Variants in ARHGAP21 observed in about 807,000 individuals in gnomAD.
The protein encoded by ARHGAP21 is rho GTPase-activating protein 21.
A neutral mutation model predicts 164.6 loss-of-function variants in ARHGAP21; 38 were observed. That is an observed-to-expected ratio of 0.23 (90% CI 0.18 to 0.30). The LOEUF (loss-of-function observed/expected upper bound fraction) is 0.30, where lower values mean the gene tolerates loss of function less well. Among genes scored for constraint, ARHGAP21 ranks in the 10% least tolerant of loss-of-function variants. ARHGAP21 has a pLI of 1.00. For missense variants in ARHGAP21, 1,822 were observed against 2,370.7 expected, an observed-to-expected ratio of 0.77 and a Z score of 4.81; for synonymous variants, 766 against 857.9, an observed-to-expected ratio of 0.89 and a Z score of 1.87.
intron 2 of ARHGAP21, among the ~76,000 whole-genome samples, chr10:24,690,843 TATATATATATACAC>T (rs1429286549): frequency 6.7e-6 from 1 of 149,554 alleles, no homozygotes; most frequent in Non-Finnish European, 1.5e-5. Flanking sequence ...AAAAAATATA[TATATATATATACAC>T]ATATATATAT....
intron 2 of ARHGAP21, among the ~76,000 whole-genome samples, chr10:24,679,652 T>C (rs577378622): frequency 6.6e-6 from 1 of 152,350 alleles, no homozygotes; most frequent in African/African-American, 2.4e-5. Context: ...ATTTTAGCCA[T>C]TGTGACAAGT....
chr10:24,628,904 TACACATATATAC>T, intron 7 of ARHGAP21: 1 of 79,362 alleles, frequency 1.3e-5, no homozygotes, highest in East Asian at 3.2e-4. Context: ...CATACATATA[TACACATATATAC>T]ACATATATAT....
intron 12 of ARHGAP21, 131 bp from the exon 13 acceptor site, chr10:24,602,234 T>TTATC: frequency 9.8e-7 from 1 of 1,023,900 alleles, no homozygotes. Context: ...AATCCTAACT[T>TTATC]TATCTTTTTA....
chr10:24,624,630 G>A (rs750882805), intron 7 of ARHGAP21, among the ~76,000 whole-genome samples: 4 of 151,786 alleles, frequency 2.6e-5, no homozygotes, highest in Non-Finnish European at 5.9e-5. Flanking sequence ...GTGAACCACC[G>A]AGCCCGGGTA....
intron 14 of ARHGAP21, among the ~76,000 whole-genome samples, 162 bp from the exon 15 acceptor site, chr10:24,598,171 T>C (rs1440909019): frequency 6.6e-6 from 1 of 152,220 alleles, no homozygotes; most frequent in East Asian, 1.9e-4. Context: ...CATCACTGTG[T>C]GAAAGATTTT....
chr10:24,710,308 G>A (rs934907750), intron 2 of ARHGAP21, among the ~76,000 whole-genome samples: 4 of 152,108 alleles, frequency 2.6e-5, no homozygotes, highest in African/African-American at 7.2e-5. Flanking sequence ...CCTAGCTGTA[G>A]CATATTCAGA....
chr10:24,660,735 C>A (rs893287440), intron 4 of ARHGAP21, among the ~76,000 whole-genome samples: 2 of 152,326 alleles, frequency 1.3e-5, no homozygotes, highest in South Asian at 4.1e-4. Context: ...ATTCCCAATA[C>A]AACATCATAC....
intron 7 of ARHGAP21, among the ~76,000 whole-genome samples, chr10:24,625,153 A>G (rs1399606791): frequency 6.6e-6 from 1 of 150,632 alleles, no homozygotes; most frequent in Non-Finnish European, 1.5e-5. Context: ...ATACAACTTA[A>G]TATTAACAGC....
chr10:24,623,214 T>C (rs149708833), intron 7 of ARHGAP21, among the ~76,000 whole-genome samples: 48 of 152,268 alleles, frequency 3.2e-4, no homozygotes, highest in African/African-American at 1.0e-3. Context: ...AATCAGAGCA[T>C]AACCACAAGC....
chr10:24,716,233 A>T (rs1845361152), intron 2 of ARHGAP21, among the ~76,000 whole-genome samples: 1 of 152,228 alleles, frequency 6.6e-6, no homozygotes, highest in Non-Finnish European at 1.5e-5. Context: ...TCAAATAAAC[A>T]AACAAAATCA....
At chr10:24,633,883 CTTTTTT>C (rs3073324) in intron 5 of ARHGAP21, among the ~76,000 whole-genome samples, 13 of 75,494 alleles carry the variant, frequency 1.7e-4, no homozygotes, top group East Asian at 4.5e-4. Context: ...CTTTTTTTCT[CTTTTTT>C]TTTTTTTTTT....
At chr10:24,711,668 T>C (rs1333993879) in intron 2 of ARHGAP21, among the ~76,000 whole-genome samples, 1 of 152,038 alleles carries the variant, frequency 6.6e-6, no homozygotes, top group Non-Finnish European at 1.5e-5. Flanking sequence ...ACAACAAAAC[T>C]AGGTGTCAAG....
chr10:24,619,500 C>A lies in ARHGAP21; in HGVS notation c.2395G>T (p.Asp799Tyr). 1 of 1,613,904 alleles carries A rather than the reference C, an allele frequency of 6.2e-7. No individual in the cohort carries two copies. The highest frequency in any genetic ancestry group is 8.5e-7 in the Non-Finnish European group (1 of 1,179,944). The change falls in exon 9 of 26, where the codon GAT becomes TAT. Residue 799 changes from aspartate to tyrosine, a missense_variant. By Grantham distance (160) the Asp-to-Tyr change is radical. This residue lies in a region of ARHGAP21 where 1,090 missense variants were observed against 1,378.9 expected (regional missense o/e 0.79). Transcript: ENST00000396432. ...RKASSTSPPGDSLASIPFIDE... is the reference protein window; with the variant it reads ...RKASSTSPPGYSLASIPFIDE... ...ATAAATGGGATGGAAGCCAAAGAATCGCCAGGCGGACTGGTACTCGAGGCT... is the reference window on the plus strand; with the variant it reads ...ATAAATGGGATGGAAGCCAAAGAATAGCCAGGCGGACTGGTACTCGAGGCT...
At chr10:24,648,212 C>T (rs532127328) in intron 4 of ARHGAP21, among the ~76,000 whole-genome samples, 1 of 152,318 alleles carries the variant, frequency 6.6e-6, no homozygotes, top group East Asian at 1.9e-4. Flanking sequence ...GCTGCCACCA[C>T]CTCCCTCGAA....
chr10:24,621,423 T>C lies in ARHGAP21; in HGVS notation c.526-54A>G. On this transcript the variant is annotated intron_variant, in intron 8 of 25. Coordinates refer to ENST00000396432, the MANE Select transcript of ARHGAP21 (RefSeq NM_020824.4). ...TGGAAATTCATAAAAAGAATAATAATTTCCATTTTTACAGTGCACTATTTT... is the reference window on the plus strand; with the variant it reads ...TGGAAATTCATAAAAAGAATAATAACTTCCATTTTTACAGTGCACTATTTT... 6 of 1,451,526 alleles carry C rather than the reference T, an allele frequency of 4.1e-6. No individual in the cohort carries two copies. In the South Asian group the frequency reaches 8.6e-5, roughly 21 times the overall value. The allele number at this position is 1,451,526 out of a possible 1,614,324, so 89.9% of individuals were successfully genotyped here.
At chr10:24,721,816 G>A (rs776403857) in intron 2 of ARHGAP21, 21 bp downstream of exon 2, 75 of 1,613,702 alleles carry the variant, frequency 4.6e-5, no homozygotes, top group Non-Finnish European at 6.3e-5. Flanking sequence ...TGCCGGCCAG[G>A]AACGCTGGCT....
chr10:24,656,193 G>A (rs532505738), intron 4 of ARHGAP21, among the ~76,000 whole-genome samples: 93 of 134,832 alleles, frequency 6.9e-4, no homozygotes, highest in African/African-American at 2.5e-3. Context: ...CCGGCCAGCC[G>A]CCCCATCCGG....
chr10:24,720,569 G>A (rs75644913), intron 2 of ARHGAP21, among the ~76,000 whole-genome samples: 1,709 of 152,270 alleles, frequency 0.011, 17 homozygotes, highest in South Asian at 0.018. Context: ...CTAATAAATT[G>A]TACAGTAATA....
chr10:24,605,908 A>T (rs904512724), intron 11 of ARHGAP21: 3 of 152,194 alleles, frequency 2.0e-5, no homozygotes, highest in Non-Finnish European at 4.4e-5. Context: ...ACATTAATAC[A>T]CAGATAAATC....
Sources: allele counts gnomAD v4.1 joint callset (sites outside exome capture counted in the v4.1 genomes callset), GRCh38; gene constraint gnomAD v4.1.1; regional missense constraint gnomAD v4.1.1; transcripts MANE v1.5; gene names NCBI Gene and HGNC (gene_info 2026-07-23, HGNC 2026-07-21).